VPS53: variants seen among roughly 807,000 people sequenced by gnomAD.
VPS53 encodes the protein vacuolar protein sorting-associated protein 53 homolog.
Under a neutral mutation model 107.0 loss-of-function variants are expected in VPS53, and 70 were observed. The observed-to-expected ratio is 0.65, with a 90% confidence interval of 0.54 to 0.80. The LOEUF (loss-of-function observed/expected upper bound fraction) is 0.80, where lower values mean the gene tolerates loss of function less well. Ranked by LOEUF, VPS53 falls within the 30% of genes least tolerant of loss-of-function variation. VPS53 has a pLI of 0.00. For synonymous variants in VPS53, 409 were observed against 393.3 expected (o/e 1.04, Z -0.47); for missense variants, 917 against 1,049.4 (o/e 0.87, Z 1.74).
Position 511,729 on chromosome 17 carries a change from T to G in VPS53, c.*7399A>C, listed in dbSNP as rs941266938. ...CCCAAGTTAATCTTGCTTAGTTTTTTGGGGGGCATCATACCTAAAGAAGAA... is the reference window on the plus strand; with the variant it reads ...CCCAAGTTAATCTTGCTTAGTTTTTGGGGGGGCATCATACCTAAAGAAGAA... On this transcript the variant is annotated 3_prime_UTR_variant, in exon 22 of 22. Coordinates refer to ENST00000437048, the MANE Select transcript of VPS53 (RefSeq NM_001128159.3). 1.4e-4 allele frequency: 22 copies of G among 151,944 alleles called. No homozygotes were observed. Among genetic ancestry groups the G allele is most frequent in the Non-Finnish European group, 2.9e-4 (20 of 67,984 alleles). 9.4% of individuals were successfully genotyped at this position (151,944 alleles called of 1,614,324 possible).
chr17:533,359 T>C (rs975874997), intron 18 of VPS53, among the ~76,000 whole-genome samples: 1 of 152,172 alleles, frequency 6.6e-6, no homozygotes, highest in Non-Finnish European at 1.5e-5. Flanking sequence ...TCCTCCTCCC[T>C]TGGGCTCCGG....
intron 12 of VPS53, among the ~76,000 whole-genome samples, chr17:595,226 C>G (rs113594499): frequency 4.8e-3 from 265 of 55,684 alleles, no homozygotes; most frequent in Non-Finnish European, 5.4e-3. Context: ...TCAATTTCCT[C>G]GTTTGATGAT....
rs1967804975 is a variant in VPS53, at chr17:593,740, A to G, written c.1219-7376T>C. Among the ~76,000 whole-genome samples, 4 of 152,328 alleles carry G rather than the reference A, an allele frequency of 2.6e-5. No homozygotes were observed. The South Asian group carries it at 8.3e-4, about 32-fold the overall frequency. ...TGTAAACTAGTTCAACCATTGTGGAAGTCAGTGTGGCGATTCCTCAGGGAT... is the reference window on the plus strand; with the variant it reads ...TGTAAACTAGTTCAACCATTGTGGAGGTCAGTGTGGCGATTCCTCAGGGAT... On this transcript the variant is annotated intron_variant, in intron 12 of 21. Coordinates refer to ENST00000437048, the MANE Select transcript of VPS53 (RefSeq NM_001128159.3).
intron 11 of VPS53, among the ~76,000 whole-genome samples, chr17:612,761 T>G (rs1968950562): frequency 8.5e-6 from 1 of 117,974 alleles, no homozygotes. Context: ...CACAGCAGTA[T>G]TCAAATAGTG....
intron 4 of VPS53, 133 bp from the exon 5 acceptor site, chr17:662,028 T>C: frequency 1.3e-6 from 1 of 792,260 alleles, no homozygotes. Flanking sequence ...CCAACAATTT[T>C]TCTGGACCAA....
At chr17:675,594 TGA>T (rs1167519404) in intron 4 of VPS53, 1 of 151,668 alleles carries the variant, frequency 6.6e-6, no homozygotes, top group Non-Finnish European at 1.5e-5. Flanking sequence ...GCCAACCTGG[TGA>T]AAACCCGTCT....
intron 18 of VPS53, among the ~76,000 whole-genome samples, chr17:534,696 C>T (rs1909882915): frequency 6.6e-6 from 1 of 152,164 alleles, no homozygotes; most frequent in East Asian, 1.9e-4. Context: ...GGCAGGTGGA[C>T]TGCTTGAGCC....
chr17:710,140 C>T (rs1311928627), intron 2 of VPS53, among the ~76,000 whole-genome samples: 4 of 151,882 alleles, frequency 2.6e-5, no homozygotes, highest in Non-Finnish European at 4.4e-5. Flanking sequence ...AGCAAAACTC[C>T]GTCTCAAAAA....
At chr17:680,923 A>C (rs1351770475) in intron 4 of VPS53, among the ~76,000 whole-genome samples, 1 of 152,212 alleles carries the variant, frequency 6.6e-6, no homozygotes, top group Non-Finnish European at 1.5e-5. Flanking sequence ...ATACCCTTGG[A>C]AATTTATTGA....
At chr17:655,494 A>G (rs1188060788) in intron 6 of VPS53, among the ~76,000 whole-genome samples, 2 of 151,696 alleles carry the variant, frequency 1.3e-5, no homozygotes, top group Non-Finnish European at 2.9e-5. Context: ...GTCTGCCTGG[A>G]GTGCATATGG....
Position 601,791 on chromosome 17 carries a change from T to A in VPS53, c.1218+4A>T, listed in dbSNP as rs1968337873. ...TTACCCGTGGTGACGCAAACCAGAC[T>A]TACTTGATCTAAATCTCCTTTCTCC... On this transcript the variant is annotated splice_donor_region_variant and intron_variant, in intron 12 of 21. Coordinates refer to ENST00000437048, the MANE Select transcript of VPS53 (RefSeq NM_001128159.3). 3 of 1,594,202 alleles carry A rather than the reference T, an allele frequency of 1.9e-6. No homozygotes were observed. The East Asian group carries it at 6.9e-5, about 36-fold the overall frequency.
At chr17:657,260 G>T in intron 5 of VPS53, 2 of 943,498 alleles carry the variant, frequency 2.1e-6, no homozygotes, top group Non-Finnish European at 1.7e-6. Flanking sequence ...AGCAACCTTT[G>T]GTGTCACGGA....
chr17:544,687 G>A (rs1911047097), intron 17 of VPS53, among the ~76,000 whole-genome samples: 2 of 152,212 alleles, frequency 1.3e-5, no homozygotes, highest in Admixed American at 1.3e-4. Context: ...GCCATCTGAT[G>A]AATTTATTGT....
At chr17:587,569 G>A (rs1169117275) in intron 12 of VPS53, among the ~76,000 whole-genome samples, 2 of 152,082 alleles carry the variant, frequency 1.3e-5, no homozygotes, top group Admixed American at 6.6e-5. Flanking sequence ...CTGTTACTTG[G>A]AAGCCACTGA....
intron 15 of VPS53, among the ~76,000 whole-genome samples, chr17:557,972 A>G (rs1012269035): frequency 1.3e-5 from 2 of 151,454 alleles, no homozygotes; most frequent in Non-Finnish European, 2.9e-5. Context: ...CGATCCTCCA[A>G]CCTCAGCTTC....
In VPS53 at chr17:508,987, C is replaced by G. The variant is rs1027752352; in HGVS notation, c.*10141G>C. On this transcript the variant is annotated 3_prime_UTR_variant, in exon 22 of 22. Transcript: ENST00000437048. ...AGGGAATCCAATGTAAAATTTTGTC[C>G]CATAAATTTGAAAACTGCTGGTGAA... 3 of 152,076 alleles carry G rather than the reference C, an allele frequency of 2.0e-5. No homozygotes were observed. The highest frequency in any genetic ancestry group is 7.3e-5 in the African/African-American group (3 of 41,368). 9.4% of individuals were successfully genotyped at this position (152,076 alleles called of 1,614,324 possible). A position where few individuals can be genotyped will look rare whatever the true frequency, so the allele number is the denominator to read the frequency against.
chr17:710,516 C>A lies in VPS53; in HGVS notation c.168+17G>T, dbSNP rs754156139. On this transcript the variant is annotated intron_variant, in intron 2 of 21. Transcript: ENST00000437048. Reference sequence around the variant, plus strand: ...CCAAAAGCTGCTGAAAGGAAGGAAACCTGAAACTCTACTTACTTGCTCGGT... The same window carrying A: ...CCAAAAGCTGCTGAAAGGAAGGAAAACTGAAACTCTACTTACTTGCTCGGT... 2 of 1,605,454 alleles carry A rather than the reference C, an allele frequency of 1.2e-6. No individual in the cohort carries two copies. Among genetic ancestry groups the A allele is most frequent in the Non-Finnish European group, 1.7e-6 (2 of 1,172,982 alleles).
At chr17:612,229 A>G (rs1413895511) in intron 11 of VPS53, among the ~76,000 whole-genome samples, 5 of 139,228 alleles carry the variant, frequency 3.6e-5, no homozygotes, top group Admixed American at 3.6e-4. Flanking sequence ...CAAATAGTGA[A>G]TTCACACAGT....
intron 4 of VPS53, among the ~76,000 whole-genome samples, chr17:670,846 G>C (rs1430717794): frequency 6.6e-6 from 1 of 152,154 alleles, no homozygotes; most frequent in Non-Finnish European, 1.5e-5. Context: ...CGGTTACTGG[G>C]GAGAAAATTA....
Sources: allele counts gnomAD v4.1 joint callset (sites outside exome capture counted in the v4.1 genomes callset), GRCh38; gene constraint gnomAD v4.1.1; transcripts MANE v1.5; gene names NCBI Gene and HGNC (gene_info 2026-07-23, HGNC 2026-07-21).